LDB2: variants seen among roughly 807,000 people sequenced by gnomAD.
LDB2 encodes LIM domain binding 2.
LDB2 carries 12 observed loss-of-function variants against 44.3 expected under a neutral mutation model. That is an observed-to-expected ratio of 0.27 (90% CI 0.17 to 0.44). The LOEUF is 0.44. LDB2 is among the 20% of genes least tolerant of loss of function. The pLI is 1.00. For synonymous variants in LDB2, 164 were observed against 174.8 expected, an observed-to-expected ratio of 0.94 and a Z score of 0.49; for missense variants, 344 against 473.5, an observed-to-expected ratio of 0.73 and a Z score of 2.54.
At chr4:16,751,788 T>G (rs1765540265) in intron 2 of LDB2, among the ~76,000 whole-genome samples, 2 of 152,192 alleles carry the variant, frequency 1.3e-5, no homozygotes. Context: ...TCTGAAAGAA[T>G]GAATCCATGA....
chr4:16,522,388 G>A (rs947321693), intron 5 of LDB2, among the ~76,000 whole-genome samples: 1 of 151,440 alleles, frequency 6.6e-6, no homozygotes, highest in African/African-American at 2.4e-5. Context: ...AATAATGGAT[G>A]GTTGTGTCAA....
At chr4:16,688,156 A>T (rs988161913) in intron 2 of LDB2, among the ~76,000 whole-genome samples, 4 of 152,240 alleles carry the variant, frequency 2.6e-5, no homozygotes, top group Admixed American at 2.0e-4. Flanking sequence ...TAAAGTTCGC[A>T]TTGTTTTTGC....
chr4:16,522,266 G>GTGTGTGTGTT (rs1451193891), intron 5 of LDB2, among the ~76,000 whole-genome samples: 1 of 145,494 alleles, frequency 6.9e-6, no homozygotes, highest in Non-Finnish European at 1.5e-5. Flanking sequence ...TCCCCGCCGT[G>GTGTGTGTGTT]TGTGTGTGTT....
intron 1 of LDB2, among the ~76,000 whole-genome samples, chr4:16,787,031 A>C (rs1774586504): frequency 6.6e-6 from 1 of 152,218 alleles, no homozygotes; most frequent in African/African-American, 2.4e-5. Context: ...ATATCTAAAT[A>C]AAGTCAGTCA....
chr4:16,753,985 A>G (rs1239216963), intron 2 of LDB2, among the ~76,000 whole-genome samples: 1 of 152,238 alleles, frequency 6.6e-6, no homozygotes, highest in Non-Finnish European at 1.5e-5. Context: ...CTTACGTTTC[A>G]AGTAAGGCCA....
At chr4:16,678,759 G>C (rs1246514410) in intron 2 of LDB2, among the ~76,000 whole-genome samples, 9 of 152,148 alleles carry the variant, frequency 5.9e-5, no homozygotes, top group Admixed American at 5.2e-4. Context: ...CAGATGCAAG[G>C]TGTGTTACTC....
rs1303486126 is a variant in LDB2 at position 16,582,835 on chromosome 4, A to G, written c.615+3087T>C. Among the ~76,000 whole-genome samples, 1 of 152,182 alleles carries G rather than the reference A, an allele frequency of 6.6e-6. No individual in the cohort carries two copies. Among genetic ancestry groups the G allele is most frequent in the East Asian group, 1.9e-4 (1 of 5,188 alleles). ...CACTGGGACCACCAAGTCAGCCATCATCGTACCTCTTAGCTCGGGGCACCT... is the reference window on the plus strand; with the variant it reads ...CACTGGGACCACCAAGTCAGCCATCGTCGTACCTCTTAGCTCGGGGCACCT... On this transcript the variant is annotated intron_variant, in intron 5 of 7. Transcript: ENST00000304523. This position sits in a 1 kb window ranked among gnomAD's most constrained non-coding sequence, Gnocchi z 4.8.
At chr4:16,650,602 C>A (rs911782746) in intron 2 of LDB2, among the ~76,000 whole-genome samples, 1 of 152,150 alleles carries the variant, frequency 6.6e-6, no homozygotes, top group African/African-American at 2.4e-5. Context: ...ACTGTAAACA[C>A]ATTTGTGTTT....
intron 2 of LDB2, among the ~76,000 whole-genome samples, chr4:16,711,542 G>A (rs982543204): frequency 6.6e-6 from 1 of 152,158 alleles, no homozygotes; most frequent in African/African-American, 2.4e-5. Flanking sequence ...TTTACACAGG[G>A]GTGACAAGTC....
intron 2 of LDB2, among the ~76,000 whole-genome samples, chr4:16,740,245 A>G (rs1309406414): frequency 6.6e-6 from 1 of 152,220 alleles, no homozygotes; most frequent in Non-Finnish European, 1.5e-5. Context: ...TTTCAATGCT[A>G]AGACACAGTT....
chr4:16,691,107 C>A (rs966822153), intron 2 of LDB2, among the ~76,000 whole-genome samples: 1 of 152,038 alleles, frequency 6.6e-6, no homozygotes, highest in African/African-American at 2.4e-5. Context: ...GGTGAGGAAA[C>A]CATGATGAGA....
intron 2 of LDB2, among the ~76,000 whole-genome samples, chr4:16,635,388 G>A (rs1295998575): frequency 6.6e-6 from 1 of 152,104 alleles, no homozygotes; most frequent in Non-Finnish European, 1.5e-5. Flanking sequence ...AATTCAAATG[G>A]TTGGGAGTCA....
At chr4:16,792,597 C>T (rs1775985561) in intron 1 of LDB2, among the ~76,000 whole-genome samples, 1 of 152,206 alleles carries the variant, frequency 6.6e-6, no homozygotes, top group South Asian at 2.1e-4. Context: ...ACTTCTCTTC[C>T]TTTTCGAAAG....
intron 1 of LDB2, among the ~76,000 whole-genome samples, chr4:16,879,373 T>C (rs566770047): frequency 5.1e-4 from 78 of 152,322 alleles, no homozygotes; most frequent in African/African-American, 1.9e-3. Context: ...TCTCTGGGTA[T>C]GTCTGTGAAG....
At chr4:16,687,839 G>A (rs1003896873) in intron 2 of LDB2, among the ~76,000 whole-genome samples, 4 of 152,156 alleles carry the variant, frequency 2.6e-5, no homozygotes, top group Non-Finnish European at 5.9e-5. Context: ...AAGTTAGCAC[G>A]TTTTGGAACT....
chr4:16,796,962 A>T (rs1396994374), intron 1 of LDB2, among the ~76,000 whole-genome samples: 2 of 152,144 alleles, frequency 1.3e-5, no homozygotes, highest in Non-Finnish European at 2.9e-5. Context: ...AAGCAAAAAG[A>T]CCCTATAGAG....
chr4:16,524,406 G>C (rs1577369371), intron 5 of LDB2, among the ~76,000 whole-genome samples: 1 of 152,174 alleles, frequency 6.6e-6, no homozygotes, highest in East Asian at 1.9e-4. Context: ...AGATGAATTA[G>C]GAGTCAGCCA....
At position 16,891,438 on chromosome 4, in the gene LDB2, G is replaced by A. The variant is rs533110803; in HGVS notation, c.132+6916C>T. Reference sequence around the variant, plus strand: ...AACAATTCTCCTGCCTCAGCCTCCCGTGTAGCTGAGACTACAGGCGTGTGC... The same window carrying A: ...AACAATTCTCCTGCCTCAGCCTCCCATGTAGCTGAGACTACAGGCGTGTGC... On this transcript the variant is annotated intron_variant, in intron 1 of 7. Coordinates refer to ENST00000304523, the MANE Select transcript of LDB2 (RefSeq NM_001290.5). Among the ~76,000 whole-genome samples, 76 of 148,992 alleles carry A rather than the reference G, an allele frequency of 5.1e-4. 2 individuals carry two copies. The highest frequency in any genetic ancestry group is 3.6e-3 in the Middle Eastern group (1 of 278).
chr4:16,504,371 A>ATAAT (rs1193796575), intron 7 of LDB2, among the ~76,000 whole-genome samples: 1 of 152,158 alleles, frequency 6.6e-6, no homozygotes, highest in African/African-American at 2.4e-5. Flanking sequence ...GTTAGGGGAG[A>ATAAT]TAATTAATAG....
Sources: gnomAD v4.1 joint callset for allele counts (sites outside exome capture counted in the v4.1 genomes callset) on GRCh38, gnomAD v4.1.1 for gene constraint, Gnocchi (gnomAD v3.1) non-coding constraint, MANE v1.5 for transcripts, NCBI Gene and HGNC (gene_info 2026-07-23, HGNC 2026-07-21) for gene names.